COL15A1: variants seen among roughly 807,000 people sequenced by gnomAD.
COL15A1 encodes collagen alpha-1(XV) chain.
A neutral mutation model predicts 165.9 loss-of-function variants in COL15A1; 111 were observed. The ratio of observed to expected loss-of-function variants is 0.67; its 90% confidence interval spans 0.57 to 0.78. COL15A1 has a LOEUF of 0.78. Ranked by LOEUF, COL15A1 falls within the 30% of genes least tolerant of loss-of-function variation. The pLI, the probability that COL15A1 is intolerant of heterozygous loss-of-function variation, is 0.00. For missense variants in COL15A1, 1,745 were observed against 1,789.7 expected, an observed-to-expected ratio of 0.98 and a Z score of 0.45; for synonymous variants, 659 against 674.8, an observed-to-expected ratio of 0.98 and a Z score of 0.36.
intron 35 of COL15A1, among the ~76,000 whole-genome samples, chr9:99,059,209 T>G (rs977121156): frequency 5.3e-5 from 8 of 152,226 alleles, no homozygotes; most frequent in African/African-American, 1.9e-4. Context: ...TTAAGGGCAC[T>G]GTGACTCTTC....
intron 2 of COL15A1, among the ~76,000 whole-genome samples, chr9:98,962,759 G>A (rs796877604): frequency 2.6e-5 from 4 of 152,286 alleles, no homozygotes; most frequent in African/African-American, 9.6e-5. Flanking sequence ...TCTGTCTACA[G>A]ATACCTAACA....
intron 2 of COL15A1, among the ~76,000 whole-genome samples, chr9:98,976,385 G>A (rs538349551): frequency 2.6e-5 from 4 of 152,220 alleles, no homozygotes; most frequent in African/African-American, 7.2e-5. Flanking sequence ...GGAAAACTGA[G>A]ATCAGGGAGG....
intron 2 of COL15A1, among the ~76,000 whole-genome samples, chr9:98,969,630 C>T (rs1348038131): frequency 1.3e-5 from 2 of 152,132 alleles, no homozygotes; most frequent in Non-Finnish European, 2.9e-5. Context: ...GTTGATGCCC[C>T]CAGCCATAGG....
chr9:99,049,979 T>C, intron 30 of COL15A1, 84 bp downstream of exon 30: 1 of 1,575,862 alleles, frequency 6.3e-7, no homozygotes, highest in East Asian at 2.2e-5. Context: ...TCTTGGGCCC[T>C]TTCTATCCTC....
intron 16 of COL15A1, among the ~76,000 whole-genome samples, chr9:99,026,260 T>C (rs1452873834): frequency 6.6e-6 from 1 of 152,142 alleles, no homozygotes; most frequent in African/African-American, 2.4e-5. Flanking sequence ...TTCCCTCCCT[T>C]TCCTGGTATG....
At chr9:98,956,254 C>A (rs536326997) in intron 2 of COL15A1, among the ~76,000 whole-genome samples, 14 of 152,194 alleles carry the variant, frequency 9.2e-5, no homozygotes, top group African/African-American at 3.4e-4. Flanking sequence ...GGCAGTGAGC[C>A]GAGATCATGC....
At chr9:98,980,451 T>C in intron 2 of COL15A1, among the ~76,000 whole-genome samples, 1 of 152,156 alleles carries the variant, frequency 6.6e-6, no homozygotes. Flanking sequence ...ATAACTGGGC[T>C]GGGCTGGGGC....
intron 19 of COL15A1, among the ~76,000 whole-genome samples, chr9:99,035,836 T>A (rs965433527): frequency 2.0e-5 from 3 of 152,062 alleles, no homozygotes; most frequent in Non-Finnish European, 4.4e-5. Context: ...GTGTTGTCCA[T>A]CTCCTGCCAT....
intron 11 of COL15A1, among the ~76,000 whole-genome samples, chr9:99,016,424 G>A (rs116906174): frequency 1.6e-4 from 24 of 152,322 alleles, no homozygotes; most frequent in Non-Finnish European, 2.5e-4. Flanking sequence ...AAGACGTGGC[G>A]GGTCTGTAGA....
intron 2 of COL15A1, among the ~76,000 whole-genome samples, chr9:98,961,968 C>T (rs975234810): frequency 3.3e-5 from 5 of 152,328 alleles, no homozygotes; most frequent in East Asian, 1.9e-4. Flanking sequence ...TCCCAGGCCA[C>T]GACAGCTGCC....
In COL15A1 at chr9:99,057,138, G is replaced by C. The variant is rs138010175; in HGVS notation, c.3337+734G>C. Among the ~76,000 whole-genome samples, 1,136 of 152,316 alleles carry C rather than the reference G, an allele frequency of 7.5e-3. 13 individuals are homozygous for C. The highest frequency in any genetic ancestry group is 0.026 in the African/African-American group (1,089 of 41,552). On this transcript the variant is annotated intron_variant, in intron 35 of 41. Coordinates refer to ENST00000375001, the MANE Select transcript of COL15A1 (RefSeq NM_001855.5). ...AACTGCCAGACTGTTTTCCGAAGGA[G>C]TCACAACATTTCTCATTCCCATCAG...
At chr9:98,964,614 A>C (rs1415827557) in intron 2 of COL15A1, among the ~76,000 whole-genome samples, 1 of 152,186 alleles carries the variant, frequency 6.6e-6, no homozygotes, top group Non-Finnish European at 1.5e-5. Flanking sequence ...ACAGGTCCCC[A>C]CCACAGATTC....
At chr9:99,062,368 G>T (rs1331325320) in intron 38 of COL15A1, 64 bp downstream of exon 38, 3 of 1,196,508 alleles carry the variant, frequency 2.5e-6, no homozygotes, top group East Asian at 2.3e-5. Context: ...AGTCCTCCTT[G>T]GTATCTAGCA....
rs745694244 is a variant in COL15A1, at chr9:98,997,023, C to T, written c.894C>T (p.Pro298=). 36 of 1,614,056 alleles carry T rather than the reference C, an allele frequency of 2.2e-5. No homozygotes were observed. Among genetic ancestry groups the T allele is most frequent in the Middle Eastern group, 3.3e-4 (2 of 6,084 alleles). The change falls in exon 6 of 42, where the codon CCC becomes CCT. Residue 298 remains proline, a synonymous_variant. Coordinates refer to ENST00000375001, the MANE Select transcript of COL15A1 (RefSeq NM_001855.5). ...TGGAACTTTCTGGTGAACCTGTACC[C>T]GAGGGGACCCTGGAAACCACCAACA... ...EDMELSGEPV[P]EGTLETTNMS... is the part of the protein sequence containing the mutation.
chr9:98,998,575 A>T (rs1405102670), intron 6 of COL15A1, among the ~76,000 whole-genome samples: 1 of 152,140 alleles, frequency 6.6e-6, no homozygotes, highest in Non-Finnish European at 1.5e-5. Flanking sequence ...GTCCTCTGGG[A>T]GCATGAACAA....
At chr9:99,016,628 C>T (rs1269759148) in intron 11 of COL15A1, among the ~76,000 whole-genome samples, 3 of 152,178 alleles carry the variant, frequency 2.0e-5, no homozygotes, top group Admixed American at 1.3e-4. Flanking sequence ...GGTTGGAGAA[C>T]GTTTACAAAG....
At chr9:99,044,246 GA>G (rs1291319657) in intron 24 of COL15A1, among the ~76,000 whole-genome samples, 1 of 152,142 alleles carries the variant, frequency 6.6e-6, no homozygotes, top group Non-Finnish European at 1.5e-5. Context: ...TGAGAGTGAG[GA>G]TGCAAATCTG....
intron 5 of COL15A1, among the ~76,000 whole-genome samples, chr9:98,993,743 A>C (rs1838492237): frequency 1.3e-5 from 2 of 152,040 alleles, no homozygotes; most frequent in South Asian, 4.2e-4. Flanking sequence ...CATCTCCTGG[A>C]AGGGCTTTAT....
chr9:98,977,824 A>G (rs1287918287), intron 2 of COL15A1, among the ~76,000 whole-genome samples: 2 of 152,184 alleles, frequency 1.3e-5, no homozygotes, highest in Admixed American at 6.5e-5. Context: ...GAATCCCCAC[A>G]TGGGAAGTGG....
Sources: allele counts gnomAD v4.1 joint callset (sites outside exome capture counted in the v4.1 genomes callset), GRCh38; gene constraint gnomAD v4.1.1; transcripts MANE v1.5; gene names NCBI Gene and HGNC (gene_info 2026-07-23, HGNC 2026-07-21).